The following APBA1 variants were observed in gnomAD, a reference collection of about 807,000 sequenced individuals.
The protein encoded by APBA1 is amyloid beta precursor protein binding family A member 1.
APBA1 carries 55 observed loss-of-function variants against 86.6 expected under a neutral mutation model. The observed-to-expected ratio is 0.64, with a 90% CI of 0.51 to 0.80. The LOEUF (loss-of-function observed/expected upper bound fraction) is 0.80. Ranked by LOEUF, APBA1 falls within the 30% of genes least tolerant of loss-of-function variation. APBA1 has a pLI of 0.00. For synonymous variants in APBA1, 511 were observed against 493.9 expected (o/e 1.03, Z -0.46); for missense variants, 1,090 against 1,183.0 (o/e 0.92, Z 1.15).
intron 1 of APBA1, among the ~76,000 whole-genome samples, chr9:69,546,959 T>C (rs997848109): frequency 1.3e-5 from 2 of 152,226 alleles, no homozygotes; most frequent in African/African-American, 4.8e-5. Flanking sequence ...GTGTTACGCA[T>C]ACATTTAAAA....
At chr9:69,640,970 G>GAGAGAA (rs1554708734) in intron 1 of APBA1, among the ~76,000 whole-genome samples, 1 of 150,912 alleles carries the variant, frequency 6.6e-6, no homozygotes, top group Non-Finnish European at 1.5e-5. Flanking sequence ...GAGAGAGAGA[G>GAGAGAA]AGAAAGAAAG....
chr9:69,427,722 G>A lies in APBA1; in HGVS notation c.*3605C>T, dbSNP rs1259687116. 1 of 152,124 alleles carries A rather than the reference G, an allele frequency of 6.6e-6. No homozygotes were observed. Among genetic ancestry groups the A allele is most frequent in the African/African-American group, 2.4e-5 (1 of 41,402 alleles). 9.4% of individuals were successfully genotyped at this position (152,124 alleles called of 1,614,324 possible). ...TGTCAAGGAAGTACATTCAGTGGGT[G>A]TGCGGTGTCCACATTCCAGGCTCAC... On this transcript the variant is annotated 3_prime_UTR_variant, in exon 13 of 13. Coordinates refer to ENST00000265381, the MANE Select transcript of APBA1 (RefSeq NM_001163.4).
intron 1 of APBA1, among the ~76,000 whole-genome samples, chr9:69,625,105 A>G (rs1281185244): frequency 6.6e-6 from 1 of 152,182 alleles, no homozygotes; most frequent in Admixed American, 6.5e-5. Context: ...TCTGCACAAC[A>G]TGGTCTTTAT....
intron 10 of APBA1, among the ~76,000 whole-genome samples, chr9:69,442,807 G>T (rs1834847077): frequency 6.6e-6 from 1 of 152,166 alleles, no homozygotes; most frequent in Non-Finnish European, 1.5e-5. Context: ...GCGAGGTCAG[G>T]ACTTACATTT....
intron 1 of APBA1, among the ~76,000 whole-genome samples, chr9:69,671,817 C>T (rs1323791700): frequency 6.6e-6 from 1 of 152,144 alleles, no homozygotes; most frequent in Non-Finnish European, 1.5e-5. Flanking sequence ...CGTCCGCCAC[C>T]CCATCCCCTC....
In APBA1 at chr9:69,516,820, C is replaced by G. The variant is rs1236876189; in HGVS notation, c.391G>C (p.Glu131Gln). The change falls in exon 2 of 13, where the codon GAG becomes CAG. Residue 131 changes from glutamate (E) to glutamine (Q), a missense_variant. Transcript: ENST00000265381. This position sits in a 1 kb window ranked among gnomAD's most constrained non-coding sequence, Gnocchi z 7.3. ...TCGGCGTGCTCGGCCTCTGCCTGCTCCGTGTACTCCTCGGCCTCGGGCCGG... is the reference window on the plus strand; with the variant it reads ...TCGGCGTGCTCGGCCTCTGCCTGCTGCGTGTACTCCTCGGCCTCGGGCCGG... The part of the protein sequence containing the change: ...QYRPEAEEYT[E>Q]QAEAEHAEAT... The G allele has an allele frequency of 6.2e-7, 1 of 1,607,010 alleles. No homozygotes were observed. The highest frequency in any genetic ancestry group is 8.5e-7 in the Non-Finnish European group (1 of 1,179,268).
At chr9:69,512,946 G>T (rs1304387864) in intron 2 of APBA1, among the ~76,000 whole-genome samples, 1 of 151,618 alleles carries the variant, frequency 6.6e-6, no homozygotes, top group Non-Finnish European at 1.5e-5. Flanking sequence ...TTGATGCTGA[G>T]ATGGAAATCA....
At chr9:69,603,360 T>C (rs1174703895) in intron 1 of APBA1, among the ~76,000 whole-genome samples, 2 of 152,222 alleles carry the variant, frequency 1.3e-5, no homozygotes, top group Non-Finnish European at 2.9e-5. Context: ...GAAGAAAGAA[T>C]GTGTGTAAAT....
At chr9:69,492,720 A>G (rs1185355699) in intron 2 of APBA1, among the ~76,000 whole-genome samples, 5 of 152,100 alleles carry the variant, frequency 3.3e-5, no homozygotes, top group Admixed American at 1.3e-4. Context: ...ATCAGGGCAT[A>G]CGTATGCCTC....
chr9:69,664,994 T>C (rs1199352394), intron 1 of APBA1, among the ~76,000 whole-genome samples: 2 of 152,266 alleles, frequency 1.3e-5, no homozygotes, highest in South Asian at 2.1e-4. Flanking sequence ...AGTTCAGCTA[T>C]AGCTGTATCG....
rs537448995 is a variant in APBA1, at chr9:69,608,843, T to G, written c.-70+63310A>C. Among the ~76,000 whole-genome samples the G allele has an allele frequency of 1.8e-3, 267 of 152,332 alleles. 2 individuals are homozygous for G. The highest frequency in any genetic ancestry group is 2.1e-3 in the Non-Finnish European group (146 of 68,026). On this transcript the variant is annotated intron_variant, in intron 1 of 12. Coordinates refer to ENST00000265381, the MANE Select transcript of APBA1 (RefSeq NM_001163.4). ...TGTTTCCATCAACCTCTGTCCCTCC[T>G]CTGTAGTAGGTGTGGCTTTTTTCCA...
chr9:69,607,753 T>G (rs1260596190), intron 1 of APBA1, among the ~76,000 whole-genome samples: 1 of 152,116 alleles, frequency 6.6e-6, no homozygotes, highest in Admixed American at 6.5e-5. Flanking sequence ...TAAGACTAAC[T>G]AGTGTTTAGA....
At chr9:69,568,243 T>G (rs1837061706) in intron 1 of APBA1, among the ~76,000 whole-genome samples, 1 of 152,210 alleles carries the variant, frequency 6.6e-6, no homozygotes, top group South Asian at 2.1e-4. Context: ...AGAGTTGGCC[T>G]GTGATCACAC....
chr9:69,467,968 A>C lies in APBA1; in HGVS notation c.1337T>G (p.Val446Gly). ...GTCTTCGGGGTCGCAGGGTCCCGGAACTGTAACACATAGAGCCACAGTGAG... is the reference window on the plus strand; with the variant it reads ...GTCTTCGGGGTCGCAGGGTCCCGGACCTGTAACACATAGAGCCACAGTGAG... ...SLASFPTYVEVPGPCDPEDLI... is the reference protein window; with the variant it reads ...SLASFPTYVEGPGPCDPEDLI... Residue 446 changes from valine (V) to glycine (G), a missense_variant and splice_region_variant, in exon 5 of 13, where the codon GTT (valine) becomes GGT (glycine). By Grantham distance (109) the Val-to-Gly change is moderately radical (BLOSUM62 -3). Around this residue, in one of 6 missense-constraint regions of APBA1, gnomAD observed 76 missense variants for 122.2 expected, o/e 0.62. Coordinates refer to ENST00000265381, the MANE Select transcript of APBA1 (RefSeq NM_001163.4). The C allele has an allele frequency of 1.9e-6, 3 of 1,613,940 alleles. No homozygotes were observed. Among genetic ancestry groups the C allele is most frequent in the Non-Finnish European group, 2.5e-6 (3 of 1,179,954 alleles).
intron 5 of APBA1, chr9:69,461,870 T>C (rs1835196921): frequency 6.6e-6 from 1 of 152,164 alleles, no homozygotes; most frequent in Admixed American, 6.5e-5. Flanking sequence ...GTAAATGAGA[T>C]TGAGATAATG....
At chr9:69,523,477 GTATATATATATATATATA>G (rs1163577400) in intron 1 of APBA1, among the ~76,000 whole-genome samples, 1,307 of 80,614 alleles carry the variant, frequency 0.016, 32 homozygotes, top group African/African-American at 0.064. Flanking sequence ...ATATATATAT[GTATATATATATATATATA>G]TGTATATATA....
intron 2 of APBA1, among the ~76,000 whole-genome samples, chr9:69,483,318 T>C: frequency 6.6e-6 from 1 of 151,936 alleles, no homozygotes; most frequent in Non-Finnish European, 1.5e-5. Context: ...GGGAGGTAAG[T>C]CCTGAGCAAA....
rs1478189156 is a variant in APBA1 at position 69,452,203 on chromosome 9, C to T, written c.1887G>A (p.Lys629=). ...GGGTATTGAGCAGGTCACTATACTC[C>T]TTCTGGCTGAGATCTTCGGGGTTAA... The part of the protein sequence containing the change: ...NGINPEDLSQ[K]EYSDLLNTQD... Residue 629 remains lysine, a synonymous_variant, in exon 9 of 13, where the codon AAG becomes AAA. Transcript: ENST00000265381. 1.2e-6 allele frequency: 2 copies of T among 1,614,096 alleles called. No individual in the cohort carries two copies. Among genetic ancestry groups the T allele is most frequent in the Non-Finnish European group, 1.7e-6 (2 of 1,180,044 alleles).
At chr9:69,630,380 T>C (rs1044828289) in intron 1 of APBA1, among the ~76,000 whole-genome samples, 3 of 152,156 alleles carry the variant, frequency 2.0e-5, no homozygotes, top group Non-Finnish European at 4.4e-5. Context: ...TGTTATCCTC[T>C]TCCTGTCTAT....
Sources: allele counts gnomAD v4.1 joint callset (sites outside exome capture counted in the v4.1 genomes callset), GRCh38; gene constraint gnomAD v4.1.1; regional missense constraint gnomAD v4.1.1; non-coding constraint Gnocchi (gnomAD v3.1); transcripts MANE v1.5; gene names NCBI Gene and HGNC (gene_info 2026-07-23, HGNC 2026-07-21).